The following MALRD1 variants were observed in gnomAD, a reference collection of about 807,000 sequenced individuals.
MALRD1 encodes the protein MAM and LDL-receptor class A domain-containing protein 1.
Under a neutral mutation model 242.1 loss-of-function variants are expected in MALRD1, and 247 were observed. That is an observed-to-expected ratio of 1.02 (90% CI 0.92 to 1.13). The LOEUF is 1.13. Among genes scored for constraint, MALRD1 ranks in the 50% most tolerant of loss-of-function variants. The pLI, the probability that MALRD1 is intolerant of heterozygous loss-of-function variation, is 0.00. For missense variants in MALRD1, 2,989 were observed against 2,533.1 expected, an observed-to-expected ratio of 1.18 and a Z score of -3.86; for synonymous variants, 995 against 866.6, an observed-to-expected ratio of 1.15 and a Z score of -2.60.
chr10:19,583,707 C>A (rs1449069523), intron 33 of MALRD1, among the ~76,000 whole-genome samples: 22 of 151,670 alleles, frequency 1.5e-4, no homozygotes, highest in African/African-American at 3.6e-4. Context: ...TGTCTCTGCC[C>A]GGCTTTGGTA....
chr10:19,353,353 C>T (rs888565752), intron 26 of MALRD1, among the ~76,000 whole-genome samples: 6 of 152,048 alleles, frequency 3.9e-5, no homozygotes, highest in Admixed American at 2.6e-4. Flanking sequence ...AACAGAAGTG[C>T]AGTTTCATTG....
intron 32 of MALRD1, among the ~76,000 whole-genome samples, chr10:19,549,111 C>A (rs1835372382): frequency 6.6e-6 from 1 of 152,164 alleles, no homozygotes; most frequent in Admixed American, 6.5e-5. Context: ...AAAGCCTAAT[C>A]CAGAGCAAGA....
At chr10:19,096,378 G>A (rs562175694) in intron 4 of MALRD1, among the ~76,000 whole-genome samples, 26 of 152,274 alleles carry the variant, frequency 1.7e-4, no homozygotes, top group African/African-American at 3.9e-4. Flanking sequence ...AAGCAGATAC[G>A]TGTGCAATAT....
At chr10:19,439,006 G>T (rs1479090900) in intron 28 of MALRD1, among the ~76,000 whole-genome samples, 2 of 152,104 alleles carry the variant, frequency 1.3e-5, no homozygotes, top group African/African-American at 4.8e-5. Context: ...TCTCCATCAG[G>T]GAACTAGGAG....
intron 32 of MALRD1, among the ~76,000 whole-genome samples, chr10:19,550,313 G>A (rs1835421112): frequency 6.6e-6 from 1 of 152,092 alleles, no homozygotes; most frequent in Admixed American, 6.6e-5. Context: ...TTGTGGTGAA[G>A]TTTTAGTGTA....
At chr10:19,548,131 C>T (rs79059081) in intron 32 of MALRD1, among the ~76,000 whole-genome samples, 2,745 of 150,442 alleles carry the variant, frequency 0.018, 37 homozygotes, top group East Asian at 0.045. Context: ...TGCCAAGTAG[C>T]TGGGATTACA....
chr10:19,411,416 T>A (rs1168237800), intron 28 of MALRD1, among the ~76,000 whole-genome samples: 1 of 152,198 alleles, frequency 6.6e-6, no homozygotes, highest in East Asian at 1.9e-4. Context: ...AATAAATGTT[T>A]GCTTAATGGA....
intron 29 of MALRD1, among the ~76,000 whole-genome samples, chr10:19,454,405 GATATATAT>G (rs141643131): frequency 0.025 from 2,021 of 80,520 alleles, 85 homozygotes; most frequent in Admixed American, 0.039. Flanking sequence ...TTATGCATAT[GATATATAT>G]ATATATATAT....
At chr10:19,173,493 T>C (rs1214052430) in intron 13 of MALRD1, among the ~76,000 whole-genome samples, 1 of 152,150 alleles carries the variant, frequency 6.6e-6, no homozygotes, top group Non-Finnish European at 1.5e-5. Flanking sequence ...TTATAGTCTA[T>C]GCAATTTTTC....
chr10:19,650,609 G>C (rs1840831164), intron 36 of MALRD1, among the ~76,000 whole-genome samples: 1 of 152,124 alleles, frequency 6.6e-6, no homozygotes, highest in South Asian at 2.1e-4. Flanking sequence ...ATAATGATGA[G>C]GTGGGGAAAT....
chr10:19,658,643 C>T (rs1433139371), intron 36 of MALRD1, among the ~76,000 whole-genome samples: 1 of 152,108 alleles, frequency 6.6e-6, no homozygotes, highest in African/African-American at 2.4e-5. Flanking sequence ...TCTCTGATCT[C>T]CAACTTTCTT....
intron 20 of MALRD1, among the ~76,000 whole-genome samples, chr10:19,282,731 C>A (rs755974178): frequency 6.6e-6 from 1 of 152,150 alleles, no homozygotes; most frequent in Non-Finnish European, 1.5e-5. Context: ...AATGGAAGTG[C>A]TTAAATTGCT....
intron 29 of MALRD1, among the ~76,000 whole-genome samples, chr10:19,454,721 C>G (rs1835547165): frequency 8.3e-6 from 1 of 119,878 alleles, no homozygotes. Flanking sequence ...CGTACACACA[C>G]ACACACACAC....
intron 38 of MALRD1, among the ~76,000 whole-genome samples, chr10:19,694,100 T>G (rs2131828789): frequency 6.6e-6 from 1 of 152,340 alleles, no homozygotes; most frequent in African/African-American, 2.4e-5. Context: ...GACGTAAATG[T>G]TAGACCTAAA....
chr10:19,683,753 C>A (rs1842466486), intron 36 of MALRD1, among the ~76,000 whole-genome samples: 1 of 152,040 alleles, frequency 6.6e-6, no homozygotes, highest in South Asian at 2.1e-4. Flanking sequence ...ATTTTTTATA[C>A]ATTCTTTTAT....
At chr10:19,529,542 CA>C (rs1222151309) in intron 31 of MALRD1, among the ~76,000 whole-genome samples, 70 of 47,992 alleles carry the variant, frequency 1.5e-3, no homozygotes, top group African/African-American at 4.5e-3. Flanking sequence ...CAGAAAAAAA[CA>C]GGAGGGGGGG....
chr10:19,550,124 C>G (rs555322249), intron 32 of MALRD1, among the ~76,000 whole-genome samples: 7 of 152,096 alleles, frequency 4.6e-5, no homozygotes, highest in African/African-American at 1.7e-4. Context: ...AAAAAGACAA[C>G]AGTGATCTAT....
intron 28 of MALRD1, among the ~76,000 whole-genome samples, chr10:19,434,801 T>G (rs2483088): frequency 6.6e-6 from 1 of 151,610 alleles, no homozygotes; most frequent in African/African-American, 2.4e-5. Context: ...ATAAAATGAT[T>G]TTTCTTTTGT....
At chr10:19,298,130 A>G (rs1018091940) in intron 21 of MALRD1, among the ~76,000 whole-genome samples, 2 of 151,948 alleles carry the variant, frequency 1.3e-5, no homozygotes, top group African/African-American at 4.8e-5. Flanking sequence ...CTGGTGAGGA[A>G]TTTGTGCTAC....
Sources: gnomAD v4.1 joint callset for allele counts (sites outside exome capture counted in the v4.1 genomes callset) on GRCh38, gnomAD v4.1.1 for gene constraint, MANE v1.5 for transcripts, NCBI Gene and HGNC (gene_info 2026-07-23, HGNC 2026-07-21) for gene names.